The following NIF3L1 variants were observed in gnomAD, a reference collection of about 807,000 sequenced individuals.
NIF3L1 encodes the protein NIF3-like protein 1.
NIF3L1 carries 26 observed loss-of-function variants against 35.0 expected under a neutral mutation model. The observed-to-expected ratio is 0.74, with a 90% CI of 0.54 to 1.03. NIF3L1 has a LOEUF of 1.03. Among genes scored for constraint, NIF3L1 ranks in the 50% least tolerant of loss-of-function variants. NIF3L1 has a pLI of 0.00. For missense variants in NIF3L1, 449 were observed against 466.3 expected, an observed-to-expected ratio of 0.96 and a Z score of 0.34; for synonymous variants, 157 against 178.9, an observed-to-expected ratio of 0.88 and a Z score of 0.98.
Position 200,893,414 on chromosome 2 carries a change from A to G in NIF3L1, c.599+6A>G, listed in dbSNP as rs764784737. 2 of 1,613,366 alleles carry G rather than the reference A, an allele frequency of 1.2e-6. No individual in the cohort carries two copies. The highest frequency in any genetic ancestry group is 1.1e-5 in the South Asian group (1 of 91,044). Reference sequence around the variant, plus strand: ...GTCACTTCTTTTTCTGCTAGGTACAATTTATTTTTCTCTTTTTTTTGTGTG... The same window carrying G: ...GTCACTTCTTTTTCTGCTAGGTACAGTTTATTTTTCTCTTTTTTTTGTGTG... On this transcript the variant is annotated splice_donor_region_variant and intron_variant, in intron 3 of 6. Coordinates refer to ENST00000409020, the MANE Select transcript of NIF3L1 (RefSeq NM_001369441.2).
chr2:200,900,760 G>A (rs2040398902), intron 6 of NIF3L1, among the ~76,000 whole-genome samples: 1 of 152,150 alleles, frequency 6.6e-6, no homozygotes, highest in African/African-American at 2.4e-5. Context: ...ATATCTTACA[G>A]TATTGTGTCT....
intron 6 of NIF3L1, among the ~76,000 whole-genome samples, chr2:200,902,795 T>C (rs1165834155): frequency 6.6e-6 from 1 of 152,196 alleles, no homozygotes; most frequent in Admixed American, 6.5e-5. Context: ...CTGGGCAGTA[T>C]ACATATAATT....
chr2:200,890,205 A>G (rs535834458), intron 1 of NIF3L1, among the ~76,000 whole-genome samples: 5 of 152,228 alleles, frequency 3.3e-5, no homozygotes, highest in Admixed American at 2.0e-4. Context: ...TAAAAATACA[A>G]AAATTAGCCA....
intron 6 of NIF3L1, among the ~76,000 whole-genome samples, chr2:200,899,980 CTT>C (rs2040385231): frequency 6.6e-6 from 1 of 152,188 alleles, no homozygotes; most frequent in Admixed American, 6.5e-5. Context: ...ATTAAAAAGA[CTT>C]CAGTGATTTC....
At chr2:200,890,531 GCTTT>G (rs1458679116) in intron 1 of NIF3L1, 1 of 152,274 alleles carries the variant, frequency 6.6e-6, no homozygotes. Flanking sequence ...AGTTGGCTAT[GCTTT>G]CTTATTGTGC....
chr2:200,890,215 A>C (rs1328218008), intron 1 of NIF3L1, among the ~76,000 whole-genome samples: 1 of 152,044 alleles, frequency 6.6e-6, no homozygotes, highest in Non-Finnish European at 1.5e-5. Flanking sequence ...AAAATTAGCC[A>C]GGTGTGGTGT....
At chr2:200,889,951 T>C (rs1463301240) in intron 1 of NIF3L1, among the ~76,000 whole-genome samples, 1 of 152,214 alleles carries the variant, frequency 6.6e-6, no homozygotes, top group Non-Finnish European at 1.5e-5. Flanking sequence ...CGCAGTTTCC[T>C]CATCTGTAAC....
intron 6 of NIF3L1, 82 bp from the exon 7 acceptor site, chr2:200,903,412 C>T (rs1023153813): frequency 6.4e-6 from 7 of 1,097,440 alleles, no homozygotes; most frequent in African/African-American, 1.6e-5. Flanking sequence ...AGACTACAAA[C>T]TTGGTATTTC....
chr2:200,902,583 T>TATAA (rs60306764), intron 6 of NIF3L1, among the ~76,000 whole-genome samples: 49,178 of 151,696 alleles, frequency 0.32, 10,731 homozygotes, highest in African/African-American at 0.62. Flanking sequence ...AAATTAACAA[T>TATAA]ATAAATTAAA....
chr2:200,902,018 T>C (rs953922437), intron 6 of NIF3L1, among the ~76,000 whole-genome samples: 9 of 152,186 alleles, frequency 5.9e-5, no homozygotes, highest in African/African-American at 1.9e-4. Flanking sequence ...ATGACACTTA[T>C]TAGGAGGAGA....
rs2040205835 is a variant in NIF3L1 at position 200,892,082 on chromosome 2, GA to G, written c.140del (p.Glu47GlyfsTer18). 6.2e-7 allele frequency: 1 copy of G among 1,614,064 alleles called. No individual in the cohort carries two copies. The highest frequency in any genetic ancestry group is 8.5e-7 in the Non-Finnish European group (1 of 1,180,046). ...LNDFASLSFA[E>X]SWDNVGLLVE... Reference sequence around the variant, plus strand: ...TGACTTTGCATCCCTCTCGTTTGCTGAGAGTTGGGACAATGTTGGATTACTG... The same window carrying G: ...TGACTTTGCATCCCTCTCGTTTGCTGGAGTTGGGACAATGTTGGATTACTG... On this transcript the variant is annotated frameshift_variant, in exon 2 of 7. Coordinates refer to ENST00000409020, the MANE Select transcript of NIF3L1 (RefSeq NM_001369441.2). LOFTEE classifies it high-confidence loss of function.
intron 6 of NIF3L1, among the ~76,000 whole-genome samples, chr2:200,901,973 A>C (rs2040415246): frequency 1.3e-5 from 2 of 152,208 alleles, no homozygotes; most frequent in African/African-American, 4.8e-5. Flanking sequence ...GATGTTTTAA[A>C]AGGTGCTTGA....
intron 4 of NIF3L1, among the ~76,000 whole-genome samples, 172 bp downstream of exon 4, chr2:200,895,562 C>T (rs1160227634): frequency 6.6e-6 from 1 of 152,148 alleles, no homozygotes; most frequent in African/African-American, 2.4e-5. Context: ...AATATCATTA[C>T]TTTGCATTTT....
rs756682835 is a variant in NIF3L1, at chr2:200,892,264, A to T, written c.321A>T (p.Thr107=). 2 of 1,614,136 alleles carry T rather than the reference A, an allele frequency of 1.2e-6. No individual in the cohort carries two copies. Among genetic ancestry groups the T allele is most frequent in the Admixed American group, 3.3e-5 (2 of 60,020 alleles). ...CCATGAAGCGCATAACCTGGAACACATGGAAGGAGCGCCTGGTGATCCGGG... is the reference window on the plus strand; with the variant it reads ...CCATGAAGCGCATAACCTGGAACACTTGGAAGGAGCGCCTGGTGATCCGGG... ...FRPMKRITWN[T]WKERLVIRAL... is the part of the protein sequence containing the mutation. Residue 107 remains threonine, a synonymous_variant, in exon 2 of 7, where the codon ACA becomes ACT. Transcript: ENST00000409020.
Position 200,897,250 on chromosome 2 carries a change from C to T in NIF3L1, c.865+36C>T, listed in dbSNP as rs369898512. 761 of 1,599,538 alleles carry T rather than the reference C, an allele frequency of 4.8e-4. 3 individuals are homozygous for T. The highest frequency in any genetic ancestry group is 2.8e-3 in the Middle Eastern group (17 of 6,004). On this transcript the variant is annotated intron_variant, in intron 5 of 6. Coordinates refer to ENST00000409020, the MANE Select transcript of NIF3L1 (RefSeq NM_001369441.2). ...CTCCTTCATCTATCCAGTATGCCTA[C>T]TGTTAACATTGGACAAAGATCGAAA...
chr2:200,897,281 G>A, intron 5 of NIF3L1, 67 bp downstream of exon 5: 2 of 1,526,474 alleles, frequency 1.3e-6, no homozygotes, highest in Non-Finnish European at 9.0e-7. Flanking sequence ...CGAAACTCTT[G>A]GTTGTATTAA....
At chr2:200,903,437 C>G in intron 6 of NIF3L1, 57 bp from the exon 7 acceptor site, 1 of 1,425,490 alleles carries the variant, frequency 7.0e-7, no homozygotes, top group Non-Finnish European at 9.9e-7. Flanking sequence ...TTTGTGTTTC[C>G]TCATTCCACA....
In NIF3L1 at chr2:200,889,427, G is replaced by A. The variant is rs893219559; in HGVS notation, c.-252G>A. The A allele has an allele frequency of 2.2e-5, 5 of 228,030 alleles. No individual in the cohort carries two copies. Among genetic ancestry groups the A allele is most frequent in the African/African-American group, 1.1e-4 (5 of 43,938 alleles). 14.1% of individuals were successfully genotyped at this position (228,030 alleles called of 1,614,324 possible). ...GGCGATTTAAAAACCCGCGAGTGTA[G>A]TTGTGACCTTCGCGGTAGGTGCCGG... On this transcript the variant is annotated 5_prime_UTR_variant, in exon 1 of 7. Transcript: ENST00000409020.
chr2:200,900,068 G>C (rs1166608611), intron 6 of NIF3L1, among the ~76,000 whole-genome samples: 1 of 152,092 alleles, frequency 6.6e-6, no homozygotes. Context: ...TCTCTGGCTA[G>C]AATGCCTTTT....
Sources: gnomAD v4.1 joint callset for allele counts (sites outside exome capture counted in the v4.1 genomes callset) on GRCh38, gnomAD v4.1.1 for gene constraint, MANE v1.5 for transcripts, NCBI Gene and HGNC (gene_info 2026-07-23, HGNC 2026-07-21) for gene names.